BCR: variants seen among roughly 807,000 people sequenced by gnomAD.
The protein encoded by BCR is BCR activator of RhoGEF and GTPase, also known as breakpoint cluster region protein.
A neutral mutation model predicts 138.6 loss-of-function variants in BCR; 58 were observed. That is an observed-to-expected ratio of 0.42 (90% CI 0.34 to 0.52). The LOEUF (loss-of-function observed/expected upper bound fraction) is 0.52. Ranked by LOEUF, BCR falls within the 20% of genes least tolerant of loss-of-function variation. The probability of loss-of-function intolerance (pLI) is 0.06; values close to 1 mark genes in which losing one functional copy is unlikely to be tolerated. For missense variants in BCR, 1,599 were observed against 1,727.2 expected (o/e 0.93, Z 1.32); for synonymous variants, 786 against 730.1 (o/e 1.08, Z -1.23).
chr22:23,297,670 T>G (rs1012357117), intron 16 of BCR, among the ~76,000 whole-genome samples: 1 of 152,170 alleles, frequency 6.6e-6, no homozygotes, highest in African/African-American at 2.4e-5. Flanking sequence ...GCCTGGCTCC[T>G]TTTTTCAGCT....
In BCR at chr22:23,315,547, C is replaced by T. The variant is rs142030544; in HGVS notation, c.*25C>T. ...AAGGTCCCAGTCCATCTCCTGGAGG[C>T]GGACAGATGGCCTGGAAACCTCTGG... On this transcript the variant is annotated 3_prime_UTR_variant, in exon 23 of 23. Coordinates refer to ENST00000305877, the MANE Select transcript of BCR (RefSeq NM_004327.4). 1.0e-4 allele frequency: 165 copies of T among 1,603,258 alleles called. No homozygotes were observed. The highest frequency in any genetic ancestry group is 4.7e-4 in the East Asian group (21 of 44,834).
At chr22:23,276,916 G>T (rs1199227717) in intron 8 of BCR, among the ~76,000 whole-genome samples, 2 of 152,266 alleles carry the variant, frequency 1.3e-5, no homozygotes, top group African/African-American at 4.8e-5. Flanking sequence ...GGGCAATGAT[G>T]CAGGGTCCGT....
chr22:23,222,407 T>G (rs1400753837), intron 1 of BCR, among the ~76,000 whole-genome samples: 2 of 152,138 alleles, frequency 1.3e-5, no homozygotes. Context: ...AAATGAGAAG[T>G]AAAGTGATAG....
chr22:23,313,744 G>A lies in BCR; in HGVS notation c.3458-224G>A, dbSNP rs2074033946. On this transcript the variant is annotated intron_variant, in intron 20 of 22. Transcript: ENST00000305877. ...GCGGCTCCTCCTGCTGCTGTTTGCC[G>A]GGTGCTGCTGACCCCTGCGAGGTAG... Among the ~76,000 whole-genome samples the A allele has an allele frequency of 1.3e-5, 2 of 152,158 alleles. No homozygotes were observed. The highest frequency in any genetic ancestry group is 2.4e-5 in the African/African-American group (1 of 41,440).
chr22:23,243,597 C>T (rs1280241796), intron 1 of BCR, among the ~76,000 whole-genome samples: 1 of 151,908 alleles, frequency 6.6e-6, no homozygotes, highest in Admixed American at 6.6e-5. Context: ...TTACAATAAA[C>T]TGGTAAATGT....
intron 1 of BCR, among the ~76,000 whole-genome samples, chr22:23,213,762 GTTC>G (rs564380809): frequency 1.3e-4 from 20 of 151,756 alleles, no homozygotes; most frequent in Non-Finnish European, 2.2e-4. Context: ...TGACCCAGGA[GTTC>G]AAGGCTATAG....
At chr22:23,211,675 G>GT (rs1262501068) in intron 1 of BCR, among the ~76,000 whole-genome samples, 4 of 151,686 alleles carry the variant, frequency 2.6e-5, no homozygotes, top group Non-Finnish European at 4.4e-5. Flanking sequence ...GTTTTGTTTT[G>GT]TTTTTTGTAT....
At position 23,202,089 on chromosome 22, in the gene BCR, T is replaced by C. The variant is rs77655725; in HGVS notation, c.1279+19850T>C. Among the ~76,000 whole-genome samples the C allele has an allele frequency of 2.6e-3, 401 of 152,336 alleles. 3 individuals are homozygous for C. Among genetic ancestry groups the C allele is most frequent in the African/African-American group, 9.0e-3 (373 of 41,572 alleles). Reference sequence around the variant, plus strand: ...ATTTTTAAGGGCCATATTATTACTTTGTAGTGGAGTTATGGTTTAATTTAT... The same window carrying C: ...ATTTTTAAGGGCCATATTATTACTTCGTAGTGGAGTTATGGTTTAATTTAT... On this transcript the variant is annotated intron_variant, in intron 1 of 22. Transcript: ENST00000305877.
At chr22:23,252,216 G>A (rs1057475004) in intron 1 of BCR, among the ~76,000 whole-genome samples, 8 of 152,212 alleles carry the variant, frequency 5.3e-5, no homozygotes, top group African/African-American at 1.4e-4. Context: ...TGGGGGATGG[G>A]GGAACCTGTA....
intron 1 of BCR, among the ~76,000 whole-genome samples, chr22:23,205,958 G>A (rs557752856): frequency 8.3e-4 from 127 of 152,276 alleles, no homozygotes; most frequent in East Asian, 6.4e-3. Flanking sequence ...AGGTGTGGGC[G>A]TCTCACATCT....
At chr22:23,272,567 T>A (rs1056130330) in intron 6 of BCR, among the ~76,000 whole-genome samples, 1 of 151,898 alleles carries the variant, frequency 6.6e-6, no homozygotes, top group Admixed American at 6.6e-5. Context: ...GCCTCTGGAG[T>A]CCGGGTGTCC....
rs541183720 is a variant in BCR at position 23,298,311 on chromosome 22, G to A, written c.3012+3156G>A. On this transcript the variant is annotated intron_variant, in intron 16 of 22. Coordinates refer to ENST00000305877, the MANE Select transcript of BCR (RefSeq NM_004327.4). ...GTGAGGAATCTGATCAGATAGCAAG[G>A]GCAGGGGGTTCTGGCTAAACGGACT... Among the ~76,000 whole-genome samples the A allele has an allele frequency of 3.5e-4, 54 of 152,298 alleles. 1 individual carries two copies. The South Asian group carries it at 0.011, about 30-fold the overall frequency.
intron 13 of BCR, chr22:23,290,130 C>A: frequency 1.6e-6 from 1 of 639,606 alleles, no homozygotes; most frequent in Non-Finnish European, 2.8e-6. Context: ...ACTGGTTTGC[C>A]TGTATTGTGA....
chr22:23,198,510 T>C (rs1222519136), intron 1 of BCR: 3 of 254,892 alleles, frequency 1.2e-5, no homozygotes, highest in African/African-American at 7.1e-5. Flanking sequence ...CCTGACATGT[T>C]GTAGCTATGC....
chr22:23,277,044 C>T (rs1237107280), intron 8 of BCR, among the ~76,000 whole-genome samples: 1 of 152,228 alleles, frequency 6.6e-6, no homozygotes, highest in Admixed American at 6.5e-5. Flanking sequence ...GACGGGCGAG[C>T]TCCCCTGACG....
intron 1 of BCR, among the ~76,000 whole-genome samples, chr22:23,209,397 A>G (rs1462372223): frequency 6.6e-6 from 1 of 152,038 alleles, no homozygotes. Flanking sequence ...AAGCTGAATA[A>G]TATTCCATTG....
At position 23,292,209 on chromosome 22, in the gene BCR, G is replaced by A. The variant is rs542903621; in HGVS notation, c.2783-332G>A. On this transcript the variant is annotated intron_variant, in intron 14 of 22. Coordinates refer to ENST00000305877, the MANE Select transcript of BCR (RefSeq NM_004327.4). ...TGTGGCATCACTGTGTAACAATGGC[G>A]TGTACACCTCTCTGTCCCCACCAGT... is the stretch of plus-strand genomic sequence containing the variant. 9.8e-5 allele frequency among the ~76,000 whole-genome samples: 15 copies of A among 152,292 alleles called. No homozygotes were observed. The East Asian group carries it at 1.9e-3, about 20-fold the overall frequency.
intron 1 of BCR, among the ~76,000 whole-genome samples, chr22:23,199,539 G>GC (rs558396574): frequency 1.3e-3 from 191 of 152,206 alleles, no homozygotes; most frequent in African/African-American, 4.5e-3. Context: ...GGGCAGCTGC[G>GC]CCCCCAGAAA....
chr22:23,295,926 G>A (rs151162350), intron 16 of BCR, among the ~76,000 whole-genome samples: 4 of 152,220 alleles, frequency 2.6e-5, no homozygotes, highest in African/African-American at 9.6e-5. Flanking sequence ...TCAGTGGGTT[G>A]TGGGTACAGC....
Sources: gnomAD v4.1 joint callset for allele counts (sites outside exome capture counted in the v4.1 genomes callset) on GRCh38, gnomAD v4.1.1 for gene constraint, MANE v1.5 for transcripts, NCBI Gene and HGNC (gene_info 2026-07-23, HGNC 2026-07-21) for gene names.